Variants in IQCH observed in about 807,000 individuals in gnomAD.
IQCH encodes the protein IQ motif containing H, also known as IQ domain-containing protein H.
IQCH carries 98 observed loss-of-function variants against 117.0 expected under a neutral mutation model. The observed-to-expected ratio is 0.84, with a 90% CI of 0.71 to 0.99. The LOEUF (loss-of-function observed/expected upper bound fraction) is 0.99. IQCH is among the 50% of genes least tolerant of loss of function. The probability of loss-of-function intolerance (pLI) is 0.00; values close to 1 mark genes in which losing one functional copy is unlikely to be tolerated. For synonymous variants in IQCH, 412 were observed against 448.2 expected (o/e 0.92, Z 1.02); for missense variants, 1,102 against 1,243.8 (o/e 0.89, Z 1.72).
intron 12 of IQCH, among the ~76,000 whole-genome samples, chr15:67,389,812 T>C (rs549220938): frequency 3.6e-4 from 51 of 141,732 alleles, no homozygotes; most frequent in Non-Finnish European, 6.1e-4. Flanking sequence ...ATGCTATACA[T>C]AGGGAACATC....
At chr15:67,267,943 G>T (rs1275295226) in intron 3 of IQCH, among the ~76,000 whole-genome samples, 1 of 151,942 alleles carries the variant, frequency 6.6e-6, no homozygotes, top group Admixed American at 6.6e-5. Context: ...TAACACCCTT[G>T]ACAGTTTGCA....
intron 16 of IQCH, among the ~76,000 whole-genome samples, chr15:67,448,851 A>G (rs532086048): frequency 1.3e-5 from 2 of 152,292 alleles, no homozygotes; most frequent in African/African-American, 4.8e-5. Context: ...CCAACAGTGT[A>G]AAAGTGTTCC....
intron 20 of IQCH, among the ~76,000 whole-genome samples, chr15:67,497,305 CAG>C (rs2086189594): frequency 6.6e-6 from 1 of 151,198 alleles, no homozygotes; most frequent in South Asian, 2.1e-4. Context: ...GCCTGGGTGA[CAG>C]AGTAAGACCT....
intron 3 of IQCH, among the ~76,000 whole-genome samples, chr15:67,278,883 A>G (rs1359097923): frequency 2.0e-5 from 3 of 152,152 alleles, no homozygotes; most frequent in Admixed American, 6.5e-5. Flanking sequence ...TATTTTTTTT[A>G]CATTGCTCTC....
chr15:67,327,175 A>G (rs1968449538), intron 4 of IQCH, among the ~76,000 whole-genome samples: 1 of 152,218 alleles, frequency 6.6e-6, no homozygotes, highest in South Asian at 2.1e-4. Context: ...AAGTGGTTAT[A>G]TTAGAAGTGA....
At chr15:67,269,509 T>C (rs1223145327) in intron 3 of IQCH, among the ~76,000 whole-genome samples, 1 of 152,366 alleles carries the variant, frequency 6.6e-6, no homozygotes, top group East Asian at 1.9e-4. Context: ...AATTATCTTC[T>C]AGCTATTTTG....
intron 4 of IQCH, among the ~76,000 whole-genome samples, chr15:67,311,057 T>C (rs1394581279): frequency 6.6e-6 from 1 of 152,078 alleles, no homozygotes; most frequent in Non-Finnish European, 1.5e-5. Context: ...TAGGTGCCAT[T>C]TTTATAATCA....
At chr15:67,461,700 G>A (rs1170017148) in intron 16 of IQCH, among the ~76,000 whole-genome samples, 2 of 152,162 alleles carry the variant, frequency 1.3e-5, no homozygotes, top group Admixed American at 1.3e-4. Flanking sequence ...ACAGAGTTCT[G>A]GTTTGTACTA....
rs57180925 is a variant in IQCH, at chr15:67,456,149, AT to A, written c.2506-8969del. On this transcript the variant is annotated intron_variant, in intron 16 of 20. Coordinates refer to ENST00000335894, the MANE Select transcript of IQCH (RefSeq NM_001031715.3). The surrounding 1 kb of genome is among the most constrained non-coding windows in gnomAD (Gnocchi z 5.1). ...GCAAGAGTATATTAAAAGATTTGTG[AT>A]TTTTTTTTACAAAGGTGAAAAGTAT... 2.1e-4 allele frequency among the ~76,000 whole-genome samples: 32 copies of A among 151,762 alleles called. No homozygotes were observed. In the East Asian group the frequency reaches 3.7e-3, roughly 17 times the overall value.
intron 4 of IQCH, among the ~76,000 whole-genome samples, chr15:67,299,388 G>C (rs1333039810): frequency 6.6e-6 from 1 of 151,968 alleles, no homozygotes. Flanking sequence ...TGGTCACTCT[G>C]TTATACTCAA....
chr15:67,473,065 G>T lies in IQCH; in HGVS notation c.2677-2631G>T, dbSNP rs1029942817. On this transcript the variant is annotated intron_variant, in intron 17 of 20. Transcript: ENST00000335894. This position sits in a 1 kb window ranked among gnomAD's most constrained non-coding sequence, Gnocchi z 4.9. ...TGCCTGCCTACCTCTCTTGCTGGCTGGGGTCTGGTCTTGGTTTTTCTTGTT... is the reference window on the plus strand; with the variant it reads ...TGCCTGCCTACCTCTCTTGCTGGCTTGGGTCTGGTCTTGGTTTTTCTTGTT... 1.3e-5 allele frequency among the ~76,000 whole-genome samples: 2 copies of T among 152,290 alleles called. No homozygotes were observed. Among genetic ancestry groups the T allele is most frequent in the Admixed American group, 1.3e-4 (2 of 15,292 alleles).
In IQCH at chr15:67,493,316, T is replaced by C. The variant is rs555738796; in HGVS notation, c.2862-942T>C. Among the ~76,000 whole-genome samples, 2 of 152,200 alleles carry C rather than the reference T, an allele frequency of 1.3e-5. No homozygotes were observed. The highest frequency in any genetic ancestry group is 2.9e-5 in the Non-Finnish European group (2 of 68,036). ...ACACAGTAGGTGGTCTGTCTCCTGA[T>C]CCTGAACTTGGTGTTCCTTTCACTA... On this transcript the variant is annotated intron_variant, in intron 19 of 20. Transcript: ENST00000335894. This position sits in a 1 kb window ranked among gnomAD's most constrained non-coding sequence, Gnocchi z 5.1.
intron 8 of IQCH, among the ~76,000 whole-genome samples, chr15:67,363,227 A>G (rs1358199328): frequency 6.7e-6 from 1 of 149,010 alleles, no homozygotes; most frequent in Admixed American, 6.8e-5. Context: ...TAAAAAACAC[A>G]AATCTTGATT....
intron 10 of IQCH, 112 bp downstream of exon 10, chr15:67,373,545 G>A (rs1410777561): frequency 6.4e-6 from 5 of 777,494 alleles, no homozygotes; most frequent in East Asian, 2.6e-5. Flanking sequence ...GGTCTCGGCA[G>A]GAAAATGTTC....
intron 6 of IQCH, among the ~76,000 whole-genome samples, chr15:67,348,390 A>G (rs576787041): frequency 1.1e-4 from 17 of 150,960 alleles, no homozygotes; most frequent in Admixed American, 7.9e-4. Flanking sequence ...CGCACACACA[A>G]AAGCTACTAG....
chr15:67,421,239 A>C, intron 15 of IQCH, 52 bp from the exon 16 acceptor site: 2 of 1,502,762 alleles, frequency 1.3e-6, no homozygotes, highest in Non-Finnish European at 1.8e-6. Flanking sequence ...TCTGAGCCCA[A>C]GTCAAACAAA....
intron 16 of IQCH, among the ~76,000 whole-genome samples, chr15:67,462,560 G>C (rs1215832050): frequency 6.6e-6 from 1 of 151,902 alleles, no homozygotes; most frequent in African/African-American, 2.4e-5. Flanking sequence ...TACACTTAAG[G>C]ATACTGAGAT....
At chr15:67,373,492 T>C (rs750209269) in intron 10 of IQCH, 59 bp downstream of exon 10, 32 of 1,119,716 alleles carry the variant, frequency 2.9e-5, no homozygotes, top group Non-Finnish European at 4.0e-5. Flanking sequence ...ACATTATGGC[T>C]CCTTGATTGA....
In IQCH at chr15:67,431,367, A is replaced by G. The variant is rs544767248; in HGVS notation, c.2505+9790A>G. 1.4e-4 allele frequency among the ~76,000 whole-genome samples: 21 copies of G among 152,342 alleles called. No homozygotes were observed. Among genetic ancestry groups the G allele is most frequent in the African/African-American group, 4.8e-4 (20 of 41,570 alleles). On this transcript the variant is annotated intron_variant, in intron 16 of 20. Coordinates refer to ENST00000335894, the MANE Select transcript of IQCH (RefSeq NM_001031715.3). This position sits in a 1 kb window ranked among gnomAD's most constrained non-coding sequence, Gnocchi z 4.8. The stretch of plus-strand genomic sequence containing the variant: ...GATGTAGCTGGAGGTCATTATCCTT[A>G]GTAAACTAACACAGGAACAGAAAAC...
Sources: allele counts gnomAD v4.1 joint callset (sites outside exome capture counted in the v4.1 genomes callset), GRCh38; gene constraint gnomAD v4.1.1; non-coding constraint Gnocchi (gnomAD v3.1); transcripts MANE v1.5; gene names NCBI Gene and HGNC (gene_info 2026-07-23, HGNC 2026-07-21).